Variants in PRH1 observed in about 807,000 individuals in gnomAD.
The protein encoded by PRH1 is proline rich protein HaeIII subfamily 1.
PRH1 carries 7 observed loss-of-function variants against 7.9 expected under a neutral mutation model. That is an observed-to-expected ratio of 0.89 (90% confidence interval 0.50 to 1.67). The LOEUF (loss-of-function observed/expected upper bound fraction) is 1.67, where lower values mean the gene tolerates loss of function less well. Among genes scored for constraint, PRH1 ranks in the 40% most tolerant of loss-of-function variants. The pLI is 0.00. For synonymous variants in PRH1, 45 were observed against 80.8 expected (o/e 0.56, Z 2.38); for missense variants, 109 against 223.6 (o/e 0.49, Z 3.27).
intron 1 of PRH1, chr12:10,986,579 G>A (rs552995197): frequency 1.2e-6 from 2 of 1,614,090 alleles, no homozygotes; most frequent in South Asian, 1.1e-5. Flanking sequence ...GCCACATGCT[G>A]AAATGGTTGG....
chr12:10,898,764 A>G (rs1365569548), intron 2 of PRH1, among the ~76,000 whole-genome samples: 1 of 152,230 alleles, frequency 6.6e-6, no homozygotes, highest in Non-Finnish European at 1.5e-5. Context: ...CTGAACAAAG[A>G]CCTAAAGTAG....
chr12:10,987,276 G>C (rs1317236672), intron 1 of PRH1, among the ~76,000 whole-genome samples: 1 of 152,030 alleles, frequency 6.6e-6, no homozygotes, highest in African/African-American at 2.4e-5. Flanking sequence ...GTTAGATAGG[G>C]AAATTTTACC....
At chr12:11,059,724 T>C (rs188787475) in intron 1 of PRH1, among the ~76,000 whole-genome samples, 1 of 152,308 alleles carries the variant, frequency 6.6e-6, no homozygotes. Flanking sequence ...GCCAAACTTT[T>C]CCTCTGCGGA....
At chr12:11,114,693 C>T (rs1176587140) in intron 1 of PRH1, among the ~76,000 whole-genome samples, 1 of 152,012 alleles carries the variant, frequency 6.6e-6, no homozygotes, top group Admixed American at 6.6e-5. Context: ...AATACATACA[C>T]AGTACAATAA....
intron 1 of PRH1, among the ~76,000 whole-genome samples, chr12:10,984,722 A>G (rs983787459): frequency 1.3e-5 from 2 of 152,056 alleles, no homozygotes; most frequent in Non-Finnish European, 2.9e-5. Flanking sequence ...AAGAATTAAT[A>G]CAGTTTATAG....
intron 1 of PRH1, among the ~76,000 whole-genome samples, chr12:11,152,188 C>T (rs926166440): frequency 3.3e-5 from 5 of 149,328 alleles, no homozygotes; most frequent in South Asian, 2.1e-4. Flanking sequence ...CCCATTAACT[C>T]GTCATTTAGC....
At chr12:10,998,315 A>C (rs962363266) in intron 1 of PRH1, among the ~76,000 whole-genome samples, 3 of 152,182 alleles carry the variant, frequency 2.0e-5, no homozygotes, top group Non-Finnish European at 2.9e-5. Flanking sequence ...TACATAGATG[A>C]CACAAAAAAT....
chr12:11,021,602 T>A, intron 1 of PRH1: 1 of 1,266,670 alleles, frequency 7.9e-7, no homozygotes, highest in East Asian at 2.3e-5. Context: ...ACCATCAGTT[T>A]GTTTTCTGCT....
At chr12:10,882,767 C>G in intron 2 of PRH1, 69 bp from the exon 3 acceptor site, 1 of 1,589,874 alleles carries the variant, frequency 6.3e-7, no homozygotes. Context: ...ACCTCTCTGT[C>G]TTCACCACAC....
At chr12:11,125,291 C>CAAAGAAT (rs2136336318) in intron 1 of PRH1, among the ~76,000 whole-genome samples, 1 of 152,378 alleles carries the variant, frequency 6.6e-6, no homozygotes, top group East Asian at 1.9e-4. Context: ...TAAAATTGAC[C>CAAAGAAT]TCCAGCAAAG....
At chr12:10,993,220 C>G (rs1940028031) in intron 1 of PRH1, among the ~76,000 whole-genome samples, 1 of 152,172 alleles carries the variant, frequency 6.6e-6, no homozygotes, top group African/African-American at 2.4e-5. Context: ...GCTTTTTAAT[C>G]TACATCGATT....
chr12:11,026,035 T>TG (rs1555140574), intron 1 of PRH1, among the ~76,000 whole-genome samples: 1 of 94,864 alleles, frequency 1.1e-5, no homozygotes, highest in Admixed American at 1.1e-4. Flanking sequence ...AACTTATACT[T>TG]GTTTTTTTTT....
At chr12:11,105,245 T>C (rs1945375872) in intron 1 of PRH1, among the ~76,000 whole-genome samples, 1 of 152,160 alleles carries the variant, frequency 6.6e-6, no homozygotes, top group East Asian at 1.9e-4. Context: ...AATGTAGGTG[T>C]CCATGGGAAA....
chr12:10,999,950 A>G (rs1380536252), intron 1 of PRH1, among the ~76,000 whole-genome samples: 1 of 151,988 alleles, frequency 6.6e-6, no homozygotes, highest in Non-Finnish European at 1.5e-5. Flanking sequence ...ATTTACTGTA[A>G]TCTTTCATAT....
At chr12:11,009,049 G>T (rs183663001) in intron 1 of PRH1, among the ~76,000 whole-genome samples, 5 of 151,958 alleles carry the variant, frequency 3.3e-5, no homozygotes, top group Admixed American at 2.6e-4. Flanking sequence ...TATTATTTTA[G>T]ATGGTAAACA....
chr12:11,080,812 A>G lies in PRH1; in HGVS notation n.124-33624T>C, dbSNP rs1483739977. ...TTTTTGAAGGTCTACTACTCTTTGGAAACACACTGAAGACATGATTCCCAT... is the reference window on the plus strand; with the variant it reads ...TTTTTGAAGGTCTACTACTCTTTGGGAACACACTGAAGACATGATTCCCAT... On this transcript the variant is annotated intron_variant and non_coding_transcript_variant, in intron 1 of 4. Transcript: ENST00000541977. Among the ~76,000 whole-genome samples the G allele has an allele frequency of 3.4e-5, 4 of 117,186 alleles. 1 individual carries two copies. The highest frequency in any genetic ancestry group is 8.1e-5 in the Non-Finnish European group (4 of 49,284). The allele number at this position is 117,186 out of a possible 152,430, so 76.9% of individuals were successfully genotyped here. A position where few individuals can be genotyped will look rare whatever the true frequency, so the allele number is the denominator to read the frequency against.
At chr12:11,025,696 T>TA (rs1327847965) in intron 1 of PRH1, among the ~76,000 whole-genome samples, 1 of 152,300 alleles carries the variant, frequency 6.6e-6, no homozygotes, top group Non-Finnish European at 1.5e-5. Context: ...ATCAATGTGT[T>TA]ACCCTCTAGC....
intron 2 of PRH1, among the ~76,000 whole-genome samples, chr12:10,911,828 C>T (rs1028920781): frequency 6.6e-6 from 1 of 152,146 alleles, no homozygotes; most frequent in Non-Finnish European, 1.5e-5. Flanking sequence ...TTAAAAGCCT[C>T]CCATGGCAAG....
chr12:11,047,048 C>A (rs755803895), exon 1 of PRH1: 1 of 508,646 alleles, frequency 2.0e-6, no homozygotes, highest in Non-Finnish European at 4.1e-6. Flanking sequence ...GTCTATTCCC[C>A]TCCACATCCA....
Sources: gnomAD v4.1 joint callset for allele counts (sites outside exome capture counted in the v4.1 genomes callset) on GRCh38, gnomAD v4.1.1 for gene constraint, MANE v1.5 for transcripts, NCBI Gene and HGNC (gene_info 2026-07-23, HGNC 2026-07-21) for gene names.